Variants in XKR9 observed in about 807,000 individuals in gnomAD.
The protein encoded by XKR9 is XK-related protein 9.
A neutral mutation model predicts 32.0 loss-of-function variants in XKR9; 32 were observed. That is an observed-to-expected ratio of 1.00 (90% CI 0.76 to 1.34). XKR9 has a LOEUF of 1.34. XKR9 is among the 40% of genes most tolerant of loss of function. The pLI is 0.00. For synonymous variants in XKR9, 168 were observed against 143.4 expected (o/e 1.17, Z -1.22); for missense variants, 546 against 429.7 (o/e 1.27, Z -2.39).
At chr8:70,692,703 C>T (rs964141413) in intron 3 of XKR9, among the ~76,000 whole-genome samples, 4 of 152,042 alleles carry the variant, frequency 2.6e-5, no homozygotes, top group African/African-American at 4.8e-5. Flanking sequence ...TTCAGCCTCC[C>T]GAGTAGCTTG....
chr8:70,843,915 C>T, the XKR9 span, among the ~76,000 whole-genome samples: 1 of 152,334 alleles, frequency 6.6e-6, no homozygotes, highest in East Asian at 1.9e-4. Context: ...ACAGCCCCTG[C>T]ATCTCCACAT....
the XKR9 span, among the ~76,000 whole-genome samples, chr8:70,863,337 C>T: frequency 6.6e-6 from 1 of 152,058 alleles, no homozygotes; most frequent in Non-Finnish European, 1.5e-5. Context: ...ACAGAACTTA[C>T]AAAAAATCAG....
At chr8:70,786,137 C>T (rs1402216529) in intron 2 of XKR9, among the ~76,000 whole-genome samples, 1 of 152,076 alleles carries the variant, frequency 6.6e-6, no homozygotes, top group Non-Finnish European at 1.5e-5. Context: ...GTTGGAAAAA[C>T]TACTTGATAT....
the XKR9 span, among the ~76,000 whole-genome samples, chr8:70,878,396 A>C: frequency 6.6e-6 from 1 of 152,112 alleles, no homozygotes; most frequent in African/African-American, 2.4e-5. Context: ...TCAATGTGCT[A>C]TATTCAGGAG....
chr8:70,772,050 TTTTA>T (rs1807460770), intron 2 of XKR9, among the ~76,000 whole-genome samples: 1 of 152,206 alleles, frequency 6.6e-6, no homozygotes, highest in Admixed American at 6.5e-5. Flanking sequence ...TATAGTTAAA[TTTTA>T]TTTGAGATGG....
the XKR9 span, among the ~76,000 whole-genome samples, chr8:70,978,643 C>T: frequency 2.0e-5 from 3 of 152,056 alleles, no homozygotes; most frequent in Admixed American, 6.5e-5. Flanking sequence ...GGTAACCTGC[C>T]CTTTCTCTCT....
intron 3 of XKR9, among the ~76,000 whole-genome samples, chr8:70,690,250 C>T (rs1028274760): frequency 6.6e-5 from 10 of 152,052 alleles, no homozygotes; most frequent in South Asian, 4.1e-4. Flanking sequence ...GTTCCTCTCC[C>T]TCCTTCCACC....
chr8:70,733,693 T>G, intron 4 of XKR9, 103 bp from the exon 5 acceptor site: 2 of 1,053,594 alleles, frequency 1.9e-6, no homozygotes, highest in Non-Finnish European at 2.5e-6. Context: ...GTATGTGACG[T>G]GTTTGTGGGT....
At chr8:70,783,335 TC>T (rs1807641938) in intron 2 of XKR9, among the ~76,000 whole-genome samples, 1 of 152,066 alleles carries the variant, frequency 6.6e-6, no homozygotes, top group Non-Finnish European at 1.5e-5. Flanking sequence ...CACGCCATTG[TC>T]CTGCCTCAGC....
chr8:70,699,763 T>C (rs1805446194), intron 3 of XKR9, among the ~76,000 whole-genome samples: 1 of 152,230 alleles, frequency 6.6e-6, no homozygotes, highest in African/African-American at 2.4e-5. Flanking sequence ...TCCTGGATAA[T>C]ATCCTGCAGA....
intron 3 of XKR9, among the ~76,000 whole-genome samples, chr8:70,694,817 A>G (rs1014775927): frequency 2.0e-5 from 3 of 152,222 alleles, no homozygotes; most frequent in Non-Finnish European, 4.4e-5. Context: ...AGGGGTATGT[A>G]CAGGAGTCTA....
At chr8:70,804,080 C>A in the XKR9 span, among the ~76,000 whole-genome samples, 1 of 152,236 alleles carries the variant, frequency 6.6e-6, no homozygotes, top group Non-Finnish European at 1.5e-5. Context: ...TGCCTGGCTA[C>A]CAGTGGTGAG....
At chr8:70,807,728 A>G in the XKR9 span, among the ~76,000 whole-genome samples, 2 of 152,224 alleles carry the variant, frequency 1.3e-5, no homozygotes, top group Admixed American at 6.5e-5. Context: ...CTAAATATAT[A>G]TGCACCAAAT....
intron 2 of XKR9, among the ~76,000 whole-genome samples, chr8:70,744,140 A>G (rs1254681052): frequency 1.3e-5 from 2 of 151,882 alleles, no homozygotes; most frequent in African/African-American, 4.8e-5. Flanking sequence ...ATGAAACCCC[A>G]TCTCTACTAA....
At chr8:71,035,459 G>A in the XKR9 span, among the ~76,000 whole-genome samples, 1 of 152,166 alleles carries the variant, frequency 6.6e-6, no homozygotes, top group Admixed American at 6.5e-5. Flanking sequence ...GGCACGATAA[G>A]TTTCACTTCC....
chr8:70,988,990 A>G, the XKR9 span, among the ~76,000 whole-genome samples: 1 of 152,172 alleles, frequency 6.6e-6, no homozygotes, highest in East Asian at 1.9e-4. Flanking sequence ...ATGTGACAGG[A>G]TTTCCTTCTT....
chr8:70,751,047 T>C (rs1807132840), intron 2 of XKR9, among the ~76,000 whole-genome samples: 1 of 152,214 alleles, frequency 6.6e-6, no homozygotes, highest in Non-Finnish European at 1.5e-5. Flanking sequence ...CCTTCCGACT[T>C]GAACTGCAGT....
chr8:70,673,540 C>T (rs188259569), intron 1 of XKR9, among the ~76,000 whole-genome samples: 2 of 152,264 alleles, frequency 1.3e-5, no homozygotes, highest in African/African-American at 2.4e-5. Context: ...TGGTGGCTCA[C>T]GCCTGTAATC....
the XKR9 span, among the ~76,000 whole-genome samples, chr8:70,852,566 C>T: frequency 1.3e-5 from 2 of 152,120 alleles, no homozygotes; most frequent in Non-Finnish European, 2.9e-5. Flanking sequence ...TATTGCAGCA[C>T]TATTCACAAT....
Sources: gnomAD v4.1 joint callset for allele counts (sites outside exome capture counted in the v4.1 genomes callset) on GRCh38, gnomAD v4.1.1 for gene constraint, MANE v1.5 for transcripts, NCBI Gene and HGNC (gene_info 2026-07-23, HGNC 2026-07-21) for gene names.